Variants in GPC6 observed in about 807,000 individuals in gnomAD.
The protein encoded by GPC6 is glypican-6.
GPC6 carries 14 observed loss-of-function variants against 55.2 expected under a neutral mutation model. The ratio of observed to expected loss-of-function variants is 0.25; its 90% CI spans 0.17 to 0.40. GPC6 has a LOEUF of 0.40. Ranked by LOEUF, GPC6 falls within the 10% of genes least tolerant of loss-of-function variation. The pLI is 1.00. For synonymous variants in GPC6, 278 were observed against 259.6 expected (o/e 1.07, Z -0.68); for missense variants, 641 against 708.5 (o/e 0.90, Z 1.08).
At chr13:93,819,242 C>G (rs1171404829) in intron 2 of GPC6, among the ~76,000 whole-genome samples, 1 of 152,096 alleles carries the variant, frequency 6.6e-6, no homozygotes, top group African/African-American at 2.4e-5. Flanking sequence ...TAGCAAAAAA[C>G]TAGCTTTGGG....
intron 1 of GPC6, among the ~76,000 whole-genome samples, chr13:93,290,328 A>G (rs190335541): frequency 6.6e-6 from 1 of 152,294 alleles, no homozygotes; most frequent in Admixed American, 6.5e-5. Context: ...GGGCATATCA[A>G]TTAAGAACTA....
At chr13:93,416,406 G>C (rs1054728620) in intron 1 of GPC6, among the ~76,000 whole-genome samples, 4 of 151,808 alleles carry the variant, frequency 2.6e-5, no homozygotes, top group African/African-American at 9.7e-5. Flanking sequence ...TTTGATTTTC[G>C]ATTTTTGTGA....
chr13:94,152,982 T>C (rs1887797999), intron 4 of GPC6, among the ~76,000 whole-genome samples: 1 of 152,176 alleles, frequency 6.6e-6, no homozygotes, highest in African/African-American at 2.4e-5. Flanking sequence ...AAAAGCTAAA[T>C]TTTGAAAGCA....
intron 3 of GPC6, among the ~76,000 whole-genome samples, chr13:93,962,544 C>T (rs568275592): frequency 2.2e-4 from 33 of 152,056 alleles, no homozygotes; most frequent in Non-Finnish European, 4.6e-4. Flanking sequence ...AATACAGAAA[C>T]GAATAAGTGC....
In GPC6 at chr13:94,397,681, A is replaced by G. The variant is rs1037915069; in HGVS notation, c.1290-785A>G. ...GGCATCCTCACAGAGAACTCTCTTG[A>G]ATCATATGTAATTTATAAGCCCAGT... On this transcript the variant is annotated intron_variant, in intron 7 of 8. Coordinates refer to ENST00000377047, the MANE Select transcript of GPC6 (RefSeq NM_005708.5). Among the ~76,000 whole-genome samples, 6 of 152,180 alleles carry G rather than the reference A, an allele frequency of 3.9e-5. 1 individual carries two copies. Among genetic ancestry groups the G allele is most frequent in the Non-Finnish European group, 7.3e-5 (5 of 68,032 alleles).
At chr13:93,611,538 T>G (rs1251716450) in intron 2 of GPC6, among the ~76,000 whole-genome samples, 1 of 152,194 alleles carries the variant, frequency 6.6e-6, no homozygotes, top group Non-Finnish European at 1.5e-5. Context: ...GTTTTTAAAA[T>G]TCTAAAGCTT....
At chr13:93,587,839 T>A (rs182988864) in intron 2 of GPC6, among the ~76,000 whole-genome samples, 7 of 152,250 alleles carry the variant, frequency 4.6e-5, no homozygotes, top group Admixed American at 4.6e-4. Context: ...GATTAGGAGT[T>A]TAGGGAACAC....
chr13:93,819,566 G>A (rs2138963170), intron 2 of GPC6, among the ~76,000 whole-genome samples: 1 of 152,302 alleles, frequency 6.6e-6, no homozygotes, highest in Non-Finnish European at 1.5e-5. Flanking sequence ...CAGATTTGCG[G>A]GCCAGGCCCA....
chr13:93,698,932 TC>T lies in GPC6; in HGVS notation c.320-131221del, dbSNP rs67563990. On this transcript the variant is annotated intron_variant, in intron 2 of 8. Transcript: ENST00000377047. ...ATCGGAAAATTTGAGGTGGGTGGCTTCTGTTATATTATGCATTGACTTAGGG... is the reference window on the plus strand; with the variant it reads ...ATCGGAAAATTTGAGGTGGGTGGCTTTGTTATATTATGCATTGACTTAGGG... Among the ~76,000 whole-genome samples the T allele has an allele frequency of 6.2e-3, 939 of 152,156 alleles. 11 individuals are homozygous for T. The highest frequency in any genetic ancestry group is 0.022 in the African/African-American group (899 of 41,520).
intron 1 of GPC6, among the ~76,000 whole-genome samples, chr13:93,391,517 G>C (rs1266004855): frequency 1.3e-5 from 2 of 152,206 alleles, no homozygotes; most frequent in African/African-American, 4.8e-5. Context: ...CCTTTCAGGA[G>C]TAAGTGTTGC....
At chr13:94,057,913 C>G (rs916006983) in intron 4 of GPC6, among the ~76,000 whole-genome samples, 2 of 152,172 alleles carry the variant, frequency 1.3e-5, no homozygotes, top group African/African-American at 2.4e-5. Flanking sequence ...ATAGATTCAT[C>G]TTAAGAATAA....
intron 4 of GPC6, among the ~76,000 whole-genome samples, chr13:94,134,370 G>A (rs1405103386): frequency 6.6e-6 from 1 of 152,144 alleles, no homozygotes; most frequent in African/African-American, 2.4e-5. Context: ...GTACTATTCT[G>A]TCTCTTGAAC....
intron 1 of GPC6, among the ~76,000 whole-genome samples, chr13:93,357,957 G>A (rs867919674): frequency 3.3e-5 from 5 of 152,218 alleles, no homozygotes; most frequent in Admixed American, 1.3e-4. Flanking sequence ...GGAAGTGACT[G>A]CTTACGAGTG....
chr13:94,183,226 C>T (rs928102533), intron 4 of GPC6, among the ~76,000 whole-genome samples: 8 of 152,194 alleles, frequency 5.3e-5, no homozygotes, highest in Admixed American at 2.0e-4. Flanking sequence ...TACTTACCCC[C>T]AACCCCTGGT....
At chr13:93,628,578 T>C (rs1207012106) in intron 2 of GPC6, among the ~76,000 whole-genome samples, 1 of 152,180 alleles carries the variant, frequency 6.6e-6, no homozygotes, top group Non-Finnish European at 1.5e-5. Context: ...TGGGACCAGC[T>C]GTAGTTAGTC....
At chr13:93,659,904 A>G (rs567721437) in intron 2 of GPC6, among the ~76,000 whole-genome samples, 169 of 152,136 alleles carry the variant, frequency 1.1e-3, no homozygotes, top group African/African-American at 4.0e-3. Flanking sequence ...AAATATATAT[A>G]TGTGTGTGTA....
chr13:93,483,294 C>T (rs1879585194), intron 1 of GPC6, among the ~76,000 whole-genome samples: 1 of 152,014 alleles, frequency 6.6e-6, no homozygotes, highest in African/African-American at 2.4e-5. Context: ...ATATTGAAAT[C>T]ACTGTGCTTT....
intron 2 of GPC6, among the ~76,000 whole-genome samples, chr13:93,550,077 T>C (rs762067214): frequency 6.6e-6 from 1 of 152,148 alleles, no homozygotes; most frequent in Non-Finnish European, 1.5e-5. Flanking sequence ...CAGTATTAAA[T>C]TGGAATTTGT....
At chr13:93,596,826 G>A (rs887264240) in intron 2 of GPC6, among the ~76,000 whole-genome samples, 9 of 147,706 alleles carry the variant, frequency 6.1e-5, no homozygotes, top group Non-Finnish European at 8.9e-5. Context: ...ATATAATTAC[G>A]TGTGCCTGTA....
Sources: allele counts gnomAD v4.1 joint callset (sites outside exome capture counted in the v4.1 genomes callset), GRCh38; gene constraint gnomAD v4.1.1; transcripts MANE v1.5; gene names NCBI Gene and HGNC (gene_info 2026-07-23, HGNC 2026-07-21).